NAV3: variants seen among roughly 807,000 people sequenced by gnomAD.
NAV3 encodes the protein pore membrane and/or filament interacting like protein 1.
In NAV3, 87 loss-of-function variants were observed where a neutral mutation model predicts 244.7. The ratio of observed to expected loss-of-function variants is 0.36; its 90% CI spans 0.30 to 0.42. The LOEUF (loss-of-function observed/expected upper bound fraction) is 0.42, where lower values mean the gene tolerates loss of function less well. Among genes scored for constraint, NAV3 ranks in the 20% least tolerant of loss-of-function variants. The probability of loss-of-function intolerance (pLI) is 1.00; values close to 1 mark genes in which losing one functional copy is unlikely to be tolerated. For synonymous variants in NAV3, 1,126 were observed against 1,042.2 expected, an observed-to-expected ratio of 1.08 and a Z score of -1.55; for missense variants, 2,663 against 2,893.3, an observed-to-expected ratio of 0.92 and a Z score of 1.83.
intron 1 of NAV3, among the ~76,000 whole-genome samples, chr12:77,935,873 C>T (rs1349542053): frequency 6.6e-6 from 1 of 152,142 alleles, no homozygotes; most frequent in Non-Finnish European, 1.5e-5. Flanking sequence ...GTGCTACGCA[C>T]TTTCAGAAAA....
At chr12:78,067,107 A>T (rs1042785133) in intron 12 of NAV3, among the ~76,000 whole-genome samples, 4 of 152,064 alleles carry the variant, frequency 2.6e-5, no homozygotes, top group African/African-American at 9.7e-5. Flanking sequence ...CGCCAAGCAA[A>T]TATCTCTGGG....
intron 9 of NAV3, chr12:78,037,056 C>T (rs1362544470): frequency 1.4e-6 from 1 of 702,926 alleles, no homozygotes; most frequent in Admixed American, 2.0e-5. Context: ...CTATGCAGAG[C>T]GGCGCTCACT....
chr12:77,851,649 G>A (rs1021443726), intron 1 of NAV3, among the ~76,000 whole-genome samples: 10 of 151,826 alleles, frequency 6.6e-5, no homozygotes, highest in African/African-American at 2.4e-4. Flanking sequence ...TAAGAAACAG[G>A]AACAAAAAAT....
At chr12:78,155,456 T>C (rs1352728483) in intron 22 of NAV3, among the ~76,000 whole-genome samples, 1 of 152,174 alleles carries the variant, frequency 6.6e-6, no homozygotes, top group Non-Finnish European at 1.5e-5. Context: ...TCTTTGCTAT[T>C]GTGACTAGTG....
rs752156580 is a variant in NAV3 at position 78,199,330 on chromosome 12, TG to T, written c.6519-4del. Reference sequence around the variant, plus strand: ...AAAAATGTCTGATTTTTTTTCTTTTTGTAGGTGGGTATTATGTGCAAATCAT... The same window carrying T: ...AAAAATGTCTGATTTTTTTTCTTTTTTAGGTGGGTATTATGTGCAAATCAT... On this transcript the variant is annotated splice_polypyrimidine_tract_variant and splice_region_variant and intron_variant, in intron 36 of 39. Coordinates refer to ENST00000397909, the MANE Select transcript of NAV3 (RefSeq NM_001024383.2). The T allele has an allele frequency of 4.8e-5, 75 of 1,577,102 alleles. No homozygotes were observed. The highest frequency in any genetic ancestry group is 5.7e-5 in the Non-Finnish European group (67 of 1,167,786).
Position 78,119,595 on chromosome 12 carries a change from A to G in NAV3, c.3399A>G (p.Leu1133=). ...VVLHVSSKTT[L]QYRSLPRPSK... is the part of the protein sequence containing the mutation. The stretch of plus-strand genomic sequence containing the variant: ...TGCATGTTAGCTCAAAGACTACCCT[A>G]CAATATCGCAGCTTGCCCCGCCCTT... Residue 1133 remains leucine, a synonymous_variant, in exon 15 of 40, where the codon CTA becomes CTG. Transcript: ENST00000397909. 3 of 1,614,174 alleles carry G rather than the reference A, an allele frequency of 1.9e-6. No homozygotes were observed. Among genetic ancestry groups the G allele is most frequent in the Non-Finnish European group, 2.5e-6 (3 of 1,180,026 alleles).
intron 2 of NAV3, among the ~76,000 whole-genome samples, chr12:77,603,219 T>G (rs1290633579): frequency 6.6e-6 from 1 of 151,994 alleles, no homozygotes; most frequent in Non-Finnish European, 1.5e-5. Flanking sequence ...CTCTTTGGTA[T>G]GTGGAAACTA....
intron 2 of NAV3, among the ~76,000 whole-genome samples, chr12:77,593,280 CTGTGTG>C (rs10538987): frequency 4.5e-4 from 67 of 148,830 alleles, no homozygotes; most frequent in African/African-American, 8.3e-4. Flanking sequence ...GTATGTGTGT[CTGTGTG>C]TGTGTGTGTG....
chr12:77,773,603 G>A (rs1361808432), intron 2 of NAV3, among the ~76,000 whole-genome samples: 1 of 152,064 alleles, frequency 6.6e-6, no homozygotes. Context: ...AAGATACATA[G>A]TATATTAGAT....
chr12:78,002,104 A>C (rs1047578978), intron 7 of NAV3, among the ~76,000 whole-genome samples: 1 of 152,234 alleles, frequency 6.6e-6, no homozygotes, highest in East Asian at 1.9e-4. Flanking sequence ...ACCTTAAGAA[A>C]TCATTCTTTT....
chr12:77,883,538 T>C (rs1296446138), intron 1 of NAV3, among the ~76,000 whole-genome samples: 1 of 152,032 alleles, frequency 6.6e-6, no homozygotes, highest in Non-Finnish European at 1.5e-5. Context: ...CTCAGCATTA[T>C]GGAATATACA....
intron 2 of NAV3, among the ~76,000 whole-genome samples, chr12:77,702,098 CTTTA>C (rs1355569885): frequency 7.9e-5 from 12 of 151,842 alleles, no homozygotes; most frequent in Non-Finnish European, 1.5e-4. Context: ...TAATGTTTCC[CTTTA>C]TTTATCAGAT....
intron 2 of NAV3, among the ~76,000 whole-genome samples, chr12:77,621,610 GC>G (rs36115447): frequency 0.052 from 7,877 of 151,594 alleles, 266 homozygotes; most frequent in Non-Finnish European, 0.077. Context: ...CTCCCAAGTA[GC>G]TGTGGCAACA....
At chr12:78,037,858 G>C (rs777028113) in intron 9 of NAV3, among the ~76,000 whole-genome samples, 21 of 152,114 alleles carry the variant, frequency 1.4e-4, no homozygotes, top group Non-Finnish European at 2.6e-4. Context: ...TGAATAGAAG[G>C]CTTCTTCTAT....
chr12:77,607,671 A>G (rs1349715217), intron 2 of NAV3, among the ~76,000 whole-genome samples: 1 of 152,096 alleles, frequency 6.6e-6, no homozygotes, highest in East Asian at 1.9e-4. Context: ...CAAGCATTCA[A>G]TCCCAATTGC....
intron 2 of NAV3, among the ~76,000 whole-genome samples, chr12:77,600,385 G>A (rs1369261964): frequency 2.0e-5 from 3 of 151,856 alleles, no homozygotes; most frequent in African/African-American, 7.2e-5. Flanking sequence ...TCTAACCCAG[G>A]CCCTTTTGTC....
At chr12:78,106,644 A>G (rs1384183703) in intron 12 of NAV3, among the ~76,000 whole-genome samples, 1 of 152,182 alleles carries the variant, frequency 6.6e-6, no homozygotes, top group Non-Finnish European at 1.5e-5. Flanking sequence ...TTACTTCACT[A>G]CTGCCTCTTC....
chr12:78,172,491 T>G (rs1206319600), intron 24 of NAV3, among the ~76,000 whole-genome samples: 3 of 151,550 alleles, frequency 2.0e-5, no homozygotes, highest in African/African-American at 7.3e-5. Context: ...ATGTGATCAT[T>G]GGTGAAGCTG....
intron 1 of NAV3, among the ~76,000 whole-genome samples, chr12:77,853,039 T>C (rs1167316553): frequency 6.6e-6 from 1 of 152,212 alleles, no homozygotes; most frequent in East Asian, 1.9e-4. Context: ...TACTCAGCTT[T>C]CATGAGTACG....
Sources: allele counts gnomAD v4.1 joint callset (sites outside exome capture counted in the v4.1 genomes callset), GRCh38; gene constraint gnomAD v4.1.1; transcripts MANE v1.5; gene names NCBI Gene and HGNC (gene_info 2026-07-23, HGNC 2026-07-21).